Variants in RARRES1 observed in about 807,000 individuals in gnomAD.
RARRES1 encodes retinoic acid receptor responder protein 1.
In RARRES1, 34 loss-of-function variants were observed where a neutral mutation model predicts 30.6. That is an observed-to-expected ratio of 1.11 (90% CI 0.84 to 1.48). The LOEUF is 1.48. Among genes scored for constraint, RARRES1 ranks in the 40% most tolerant of loss-of-function variants. The probability of loss-of-function intolerance (pLI) is 0.00; values close to 1 mark genes in which losing one functional copy is unlikely to be tolerated. For synonymous variants in RARRES1, 153 were observed against 155.5 expected, an observed-to-expected ratio of 0.98 and a Z score of 0.12; for missense variants, 373 against 386.5, an observed-to-expected ratio of 0.97 and a Z score of 0.29.
intron 2 of RARRES1, among the ~76,000 whole-genome samples, chr3:158,713,164 TCTC>T (rs952066298): frequency 1.1e-4 from 16 of 152,072 alleles, no homozygotes; most frequent in African/African-American, 3.6e-4. Flanking sequence ...TTTGAGCTGG[TCTC>T]CTCTCCGCCC....
chr3:158,707,164 A>C lies in RARRES1; in HGVS notation c.536-2237T>G, dbSNP rs200643614. Among the ~76,000 whole-genome samples, 38 of 151,898 alleles carry C rather than the reference A, an allele frequency of 2.5e-4. No individual in the cohort carries two copies. The East Asian group carries it at 4.1e-3, about 16-fold the overall frequency. On this transcript the variant is annotated intron_variant, in intron 3 of 5. Coordinates refer to ENST00000237696, the MANE Select transcript of RARRES1 (RefSeq NM_206963.2). ...GGACAGAGGGAGACTCTGTCTCAAA[A>C]AAACAAACAAACAAACAAAAAAACT... is the stretch of plus-strand genomic sequence containing the variant.
chr3:158,724,811 G>C (rs1376368512), intron 1 of RARRES1, among the ~76,000 whole-genome samples: 1 of 152,018 alleles, frequency 6.6e-6, no homozygotes, highest in African/African-American at 2.4e-5. Flanking sequence ...ACACAGCCAT[G>C]GTACAAGACT....
At chr3:158,724,851 G>A (rs915178988) in intron 1 of RARRES1, among the ~76,000 whole-genome samples, 12 of 151,148 alleles carry the variant, frequency 7.9e-5, no homozygotes, top group African/African-American at 2.7e-4. Context: ...TTCCAGACAG[G>A]GTCTCACTAT....
intron 1 of RARRES1, among the ~76,000 whole-genome samples, chr3:158,730,245 G>C (rs1727827362): frequency 6.6e-6 from 1 of 150,676 alleles, no homozygotes; most frequent in South Asian, 2.1e-4. Flanking sequence ...GCTTGAACCT[G>C]GTAGGCGGAG....
chr3:158,726,490 A>C (rs534553041), intron 1 of RARRES1, among the ~76,000 whole-genome samples: 6 of 152,178 alleles, frequency 3.9e-5, no homozygotes, highest in Non-Finnish European at 8.8e-5. Flanking sequence ...TGCTTACCCA[A>C]AGCCAGCTGC....
chr3:158,697,939 T>G lies in RARRES1; in HGVS notation c.704A>C (p.Tyr235Ser), dbSNP rs1000088176. 1.1e-5 allele frequency: 17 copies of G among 1,541,962 alleles called. No homozygotes were observed. The highest frequency in any genetic ancestry group is 1.5e-5 in the Non-Finnish European group (17 of 1,116,792). Residue 235 changes from tyrosine to serine, a missense_variant, in exon 5 of 6, where the codon TAT becomes TCT. Tyr to Ser is a moderately radical substitution (Grantham distance 144). Coordinates refer to ENST00000237696, the MANE Select transcript of RARRES1 (RefSeq NM_206963.2). ...KTNDDTIDFD[Y>S]TVLLHELSTQ... ...TGATAATTCATGAAGTAGAACAGTA[T>G]AATCAAAATCAATTGTATCATCATT...
At chr3:158,702,908 T>G (rs59492803) in intron 4 of RARRES1, among the ~76,000 whole-genome samples, 23,217 of 152,250 alleles carry the variant, frequency 0.15, 1,871 homozygotes, top group South Asian at 0.22. Context: ...AGTTGATGTG[T>G]GTTGTACATG....
At position 158,710,834 on chromosome 3, in the gene RARRES1, G is replaced by C. The variant is rs77030300; in HGVS notation, c.439C>G (p.Arg147Gly). The part of the protein sequence containing the change: ...PRPTINVTCT[R>G]LIEKKKRQQE... ...TGTCTTTTCTTTTTCTCGATGAGCCGTGTACAAGTTACATTGATGGTTGGT... is the reference window on the plus strand; with the variant it reads ...TGTCTTTTCTTTTTCTCGATGAGCCCTGTACAAGTTACATTGATGGTTGGT... The change falls in exon 3 of 6, where the codon CGG becomes GGG. Residue 147 changes from arginine (R) to glycine (G), a missense_variant. Transcript: ENST00000237696. 5.6e-6 allele frequency: 9 copies of C among 1,613,042 alleles called. No homozygotes were observed. The highest frequency in any genetic ancestry group is 7.6e-6 in the Non-Finnish European group (9 of 1,179,270).
At chr3:158,700,634 C>T (rs1726693802) in intron 4 of RARRES1, among the ~76,000 whole-genome samples, 1 of 152,170 alleles carries the variant, frequency 6.6e-6, no homozygotes, top group Admixed American at 6.5e-5. Context: ...TTGCACATCC[C>T]AGCCTGGCAA....
In RARRES1 at chr3:158,732,406, G is replaced by A; in HGVS notation, c.10C>T (p.Arg4Cys). Residue 4 changes from arginine (R) to cysteine (C), a missense_variant, in exon 1 of 6, where the codon CGC becomes TGC. Transcript: ENST00000237696. The stretch of plus-strand genomic sequence containing the variant: ...CAGGGAGCAGGCAGCCGTTGCCGGC[G>A]GGGCTGCATGGACGCAGGAAAGTTG... MQP[R>C]RQRLPAPWSG... 1.3e-6 allele frequency: 2 copies of A among 1,510,598 alleles called. No individual in the cohort carries two copies. Among genetic ancestry groups the A allele is most frequent in the Non-Finnish European group, 1.8e-6 (2 of 1,134,880 alleles). The allele number at this position is 1,510,598 out of a possible 1,614,324, so 93.6% of individuals were successfully genotyped here. A position where few individuals can be genotyped will look rare whatever the true frequency, so the allele number is the denominator to read the frequency against.
chr3:158,715,311 C>G (rs956019639), intron 1 of RARRES1, among the ~76,000 whole-genome samples: 2 of 152,328 alleles, frequency 1.3e-5, no homozygotes, highest in East Asian at 1.9e-4. Flanking sequence ...TGTGGCAGAT[C>G]GCAGCCTGCG....
At chr3:158,718,344 C>T (rs1048727805) in intron 1 of RARRES1, among the ~76,000 whole-genome samples, 1 of 152,158 alleles carries the variant, frequency 6.6e-6, no homozygotes, top group Non-Finnish European at 1.5e-5. Flanking sequence ...ATGCAAGTAG[C>T]CCAATAATTG....
chr3:158,725,761 AACCCCGGG>A (rs1296833417), intron 1 of RARRES1, among the ~76,000 whole-genome samples: 1 of 152,242 alleles, frequency 6.6e-6, no homozygotes, highest in Non-Finnish European at 1.5e-5. Flanking sequence ...TCAAAGCTTT[AACCCCGGG>A]ACCTAGTGGC....
intron 4 of RARRES1, among the ~76,000 whole-genome samples, chr3:158,700,201 A>G (rs926266786): frequency 9.6e-6 from 1 of 103,918 alleles, no homozygotes; most frequent in Non-Finnish European, 2.1e-5. Context: ...AAATAATAAT[A>G]AGTGTGTGTG....
At chr3:158,713,032 T>A (rs1374101530) in intron 2 of RARRES1, among the ~76,000 whole-genome samples, 1 of 152,208 alleles carries the variant, frequency 6.6e-6, no homozygotes, top group Non-Finnish European at 1.5e-5. Flanking sequence ...TGGTGAGCAT[T>A]CTTCCAGAAG....
chr3:158,710,862 G>C lies in RARRES1; in HGVS notation c.411C>G (p.Pro137=), dbSNP rs1273282492. The change falls in exon 3 of 6, where the codon CCC becomes CCG. Residue 137 remains proline (P), a synonymous_variant. Transcript: ENST00000237696. ...SARVFFKNQK[P]RPTINVTCTR... ...TACAAGTTACATTGATGGTTGGTCT[G>C]GGTTTCTGATTCTTGAAAAACACTC... 1 of 1,613,710 alleles carries C rather than the reference G, an allele frequency of 6.2e-7. No individual in the cohort carries two copies. The highest frequency in any genetic ancestry group is 1.7e-5 in the Admixed American group (1 of 59,994).
In RARRES1 at chr3:158,704,824, G is replaced by C; in HGVS notation, c.639C>G (p.Tyr213Ter). 1 of 1,614,094 alleles carries C rather than the reference G, an allele frequency of 6.2e-7. No homozygotes were observed. The highest frequency in any genetic ancestry group is 8.5e-7 in the Non-Finnish European group (1 of 1,180,004). Residue 213 changes from tyrosine (Y) to a stop codon, truncating the protein, a stop_gained, in exon 4 of 6, where the codon TAC (tyrosine) becomes TAG (stop). Transcript: ENST00000237696. LOFTEE classifies it high-confidence loss of function. ...TCACACTAGTGAGCTGTGCCAAGTA[G>C]TAGTGTGACACCTGTGTTGTCATTT... ...MWEMTTQVSH[Y>*]YLAQLTSVRQ...
chr3:158,706,780 A>G (rs1726938863), intron 3 of RARRES1, among the ~76,000 whole-genome samples: 1 of 152,266 alleles, frequency 6.6e-6, no homozygotes, highest in South Asian at 2.1e-4. Context: ...AATGTAGGAC[A>G]GAAAGTGGGA....
rs144675704 is a variant in RARRES1, at chr3:158,697,846, A to C, written c.736-19T>G. 6.2e-7 allele frequency: 1 copy of C among 1,601,778 alleles called. No individual in the cohort carries two copies. The highest frequency in any genetic ancestry group is 2.2e-5 in the East Asian group (1 of 44,818). ...TTATTTCCTAGGAAATAGAGTTATAAAATATTATAATCTGCAAAAACTTAT... is the reference window on the plus strand; with the variant it reads ...TTATTTCCTAGGAAATAGAGTTATACAATATTATAATCTGCAAAAACTTAT... On this transcript the variant is annotated intron_variant, in intron 5 of 5. Coordinates refer to ENST00000237696, the MANE Select transcript of RARRES1 (RefSeq NM_206963.2).
Sources: gnomAD v4.1 joint callset for allele counts (sites outside exome capture counted in the v4.1 genomes callset) on GRCh38, gnomAD v4.1.1 for gene constraint, MANE v1.5 for transcripts, NCBI Gene and HGNC (gene_info 2026-07-23, HGNC 2026-07-21) for gene names.